Variants in LAMA2 observed in about 807,000 individuals in gnomAD.
LAMA2 encodes the protein laminin subunit alpha 2, also known as laminin subunit alpha-2.
A neutral mutation model predicts 364.8 loss-of-function variants in LAMA2; 269 were observed. The observed-to-expected ratio is 0.74, with a 90% CI of 0.67 to 0.82. The LOEUF (loss-of-function observed/expected upper bound fraction) is 0.82. Among genes scored for constraint, LAMA2 ranks in the 40% least tolerant of loss-of-function variants. LAMA2 has a pLI of 0.00. For missense variants in LAMA2, 3,807 were observed against 3,873.2 expected (o/e 0.98, Z 0.45); for synonymous variants, 1,379 against 1,370.6 (o/e 1.01, Z -0.14).
chr6:128,997,990 A>G (rs532209754), intron 1 of LAMA2, among the ~76,000 whole-genome samples: 1 of 152,142 alleles, frequency 6.6e-6, no homozygotes, highest in South Asian at 2.1e-4. Flanking sequence ...AAGGTGATGG[A>G]TAGGAGAAAG....
At chr6:129,157,470 A>G (rs1779181642) in intron 8 of LAMA2, 2 of 1,599,576 alleles carry the variant, frequency 1.3e-6, no homozygotes, top group African/African-American at 1.3e-5. Flanking sequence ...CACCCATGCC[A>G]TGGGTAAAAA....
At chr6:129,410,562 A>G (rs1010937866) in intron 40 of LAMA2, among the ~76,000 whole-genome samples, 1 of 152,152 alleles carries the variant, frequency 6.6e-6, no homozygotes, top group Non-Finnish European at 1.5e-5. Flanking sequence ...AATTGGGAAA[A>G]GTTTATACTG....
At chr6:129,403,438 C>T (rs142711091) in intron 39 of LAMA2, among the ~76,000 whole-genome samples, 177 of 152,264 alleles carry the variant, frequency 1.2e-3, no homozygotes, top group African/African-American at 4.0e-3. Flanking sequence ...CTGGGAAGTG[C>T]ACCTACCCCA....
intron 1 of LAMA2, among the ~76,000 whole-genome samples, chr6:129,037,986 G>A (rs1786784173): frequency 6.6e-6 from 1 of 152,094 alleles, no homozygotes; most frequent in South Asian, 2.1e-4. Flanking sequence ...AAAAATTTTT[G>A]CTAGACTACA....
chr6:129,039,231 C>T (rs1055870312), intron 1 of LAMA2, among the ~76,000 whole-genome samples: 3 of 151,972 alleles, frequency 2.0e-5, no homozygotes, highest in African/African-American at 7.2e-5. Flanking sequence ...TCAGAAAACA[C>T]TTTCACAGAG....
In LAMA2 at chr6:128,944,239, T is replaced by C. The variant is rs536109826; in HGVS notation, c.112+60882T>C. Among the ~76,000 whole-genome samples, 4 of 152,294 alleles carry C rather than the reference T, an allele frequency of 2.6e-5. No individual in the cohort carries two copies. The East Asian group carries it at 7.7e-4, about 29-fold the overall frequency. Reference sequence around the variant, plus strand: ...CAATGCACAGTTAAGGTACCCCACCTAGATTAAATGAATTAATTTTGGACT... The same window carrying C: ...CAATGCACAGTTAAGGTACCCCACCCAGATTAAATGAATTAATTTTGGACT... On this transcript the variant is annotated intron_variant, in intron 1 of 64. Coordinates refer to ENST00000421865, the MANE Select transcript of LAMA2 (RefSeq NM_000426.4).
intron 8 of LAMA2, among the ~76,000 whole-genome samples, chr6:129,159,943 GAATT>G (rs1779352526): frequency 6.6e-6 from 1 of 152,116 alleles, no homozygotes; most frequent in Non-Finnish European, 1.5e-5. Context: ...TTGCATTTGT[GAATT>G]AATCTCCATT....
intron 1 of LAMA2, among the ~76,000 whole-genome samples, chr6:128,964,276 C>T (rs1249389345): frequency 1.3e-5 from 2 of 152,032 alleles, no homozygotes; most frequent in Non-Finnish European, 2.9e-5. Context: ...GTTGAACTGG[C>T]TGTATTTTCC....
intron 55 of LAMA2, among the ~76,000 whole-genome samples, chr6:129,483,256 T>C (rs757979760): frequency 1.7e-4 from 25 of 151,154 alleles, no homozygotes; most frequent in Non-Finnish European, 3.1e-4. Flanking sequence ...ATTCCTGATT[T>C]AAAAAAAAGA....
intron 56 of LAMA2, among the ~76,000 whole-genome samples, chr6:129,489,161 CCAA>C (rs1252015465): frequency 2.6e-5 from 4 of 151,994 alleles, no homozygotes; most frequent in African/African-American, 9.7e-5. Flanking sequence ...TTGCATTATC[CCAA>C]CACTTTTCAG....
chr6:129,169,556 C>T (rs1366055796), intron 9 of LAMA2, among the ~76,000 whole-genome samples: 24 of 151,814 alleles, frequency 1.6e-4, no homozygotes, highest in African/African-American at 4.1e-4. Flanking sequence ...CTGCTGGATT[C>T]GTTTTGCCAG....
chr6:129,257,922 T>C (rs1786818109), intron 14 of LAMA2, among the ~76,000 whole-genome samples: 1 of 152,148 alleles, frequency 6.6e-6, no homozygotes, highest in Non-Finnish European at 1.5e-5. Context: ...AGTTTGTTAG[T>C]CATTGTTTGT....
intron 1 of LAMA2, among the ~76,000 whole-genome samples, chr6:128,992,643 T>C (rs1026143121): frequency 1.3e-5 from 2 of 152,126 alleles, no homozygotes; most frequent in African/African-American, 2.4e-5. Context: ...ACACTTAAAT[T>C]CAACAAAAAA....
At chr6:128,909,946 A>C (rs1282586205) in intron 1 of LAMA2, among the ~76,000 whole-genome samples, 1 of 151,812 alleles carries the variant, frequency 6.6e-6, no homozygotes, top group Non-Finnish European at 1.5e-5. Flanking sequence ...CTTTTCTTTA[A>C]GAATGTTGAA....
In LAMA2 at chr6:129,366,251, G is replaced by C. The variant is rs117781224; in HGVS notation, c.4750G>C (p.Gly1584Arg). The C allele has an allele frequency of 6.2e-7, 1 of 1,613,746 alleles. No homozygotes were observed. The highest frequency in any genetic ancestry group is 1.1e-5 in the South Asian group (1 of 91,026). ...CGDECTGLLL[G>R]DLARLEQMVM... The stretch of plus-strand genomic sequence containing the variant: ...AGATGAGTGCACTGGCCTTCTTCTC[G>C]GTGACTTGGCTCGCCTGGAGCAGAT... Residue 1584 changes from glycine to arginine, a missense_variant, in exon 33 of 65, where the codon GGT becomes CGT. Physicochemically the swap from Gly to Arg is moderately radical, Grantham distance 125. This residue lies in a region of LAMA2 where 3,333 missense variants were observed against 3,345.7 expected (regional missense o/e 1.00). Transcript: ENST00000421865.
chr6:128,900,501 G>GA (rs1437857880), intron 1 of LAMA2, among the ~76,000 whole-genome samples: 1 of 152,114 alleles, frequency 6.6e-6, no homozygotes, highest in Non-Finnish European at 1.5e-5. Context: ...TACAGTTATT[G>GA]AAAAAACTAT....
intron 29 of LAMA2, among the ~76,000 whole-genome samples, chr6:129,329,627 G>C (rs1775510086): frequency 6.6e-6 from 1 of 152,150 alleles, no homozygotes; most frequent in Non-Finnish European, 1.5e-5. Flanking sequence ...CTCCCAAAGT[G>C]CTGGGATTAC....
chr6:128,888,612 C>T (rs1020371757), intron 1 of LAMA2, among the ~76,000 whole-genome samples: 17 of 152,074 alleles, frequency 1.1e-4, no homozygotes, highest in African/African-American at 3.1e-4. Flanking sequence ...TTGAAGATGA[C>T]GTGGGAGTGA....
chr6:129,271,858 A>G (rs1787963207), intron 17 of LAMA2, among the ~76,000 whole-genome samples: 1 of 151,526 alleles, frequency 6.6e-6, no homozygotes, highest in African/African-American at 2.4e-5. Context: ...AGTAGGTCAT[A>G]CTTCAAACTC....
Sources: allele counts gnomAD v4.1 joint callset (sites outside exome capture counted in the v4.1 genomes callset), GRCh38; gene constraint gnomAD v4.1.1; regional missense constraint gnomAD v4.1.1; transcripts MANE v1.5; gene names NCBI Gene and HGNC (gene_info 2026-07-23, HGNC 2026-07-21).